The following FRMPD4 variants were observed in gnomAD, a reference collection of about 807,000 sequenced individuals.
The protein encoded by FRMPD4 is FERM and PDZ domain-containing protein 4.
A neutral mutation model predicts 94.1 loss-of-function variants in FRMPD4; 22 were observed. That is an observed-to-expected ratio of 0.23 (90% CI 0.17 to 0.33). The LOEUF (loss-of-function observed/expected upper bound fraction) is 0.33. FRMPD4 is among the 10% of genes least tolerant of loss of function. The pLI is 1.00. For missense variants in FRMPD4, 1,111 were observed against 1,339.9 expected (o/e 0.83, Z 2.67); for synonymous variants, 631 against 548.6 (o/e 1.15, Z -2.10).
intron 4 of FRMPD4, among the ~76,000 whole-genome samples, chrX:12,621,954 GAGAA>G (rs1305358935): frequency 1.2e-4 from 10 of 86,793 alleles, no homozygotes; most frequent in African/African-American, 4.1e-4. Flanking sequence ...GAGAGAGAGA[GAGAA>G]AGAAAGAAAG....
chrX:12,331,042 C>T (rs929427154), intron 1 of FRMPD4, among the ~76,000 whole-genome samples: 4 of 111,637 alleles, frequency 3.6e-5, no homozygotes, highest in Admixed American at 1.9e-4. Flanking sequence ...TTGGTTATAG[C>T]ACCACAGCAG....
chrX:12,023,469 C>T (rs143976476), intron 3 of FRMPD4, among the ~76,000 whole-genome samples: 2,315 of 111,543 alleles, frequency 0.021, 55 homozygotes, highest in African/African-American at 0.072. Flanking sequence ...CAACCCTTCC[C>T]CATAGTGCCC....
chrX:12,541,002 C>T (rs1310090279), intron 2 of FRMPD4, among the ~76,000 whole-genome samples: 1 of 111,520 alleles, frequency 9.0e-6, no homozygotes, highest in Admixed American at 9.6e-5. Context: ...GGATACATAA[C>T]AAAATGAAGG....
intron 1 of FRMPD4, among the ~76,000 whole-genome samples, chrX:12,231,345 C>A (rs1402681215): frequency 9.2e-6 from 1 of 108,162 alleles, no homozygotes; most frequent in African/African-American, 3.4e-5. Context: ...GTGTCAGCCT[C>A]CTCATTGTAA....
chrX:12,420,169 A>G (rs1355090724), intron 1 of FRMPD4, among the ~76,000 whole-genome samples: 1 of 111,632 alleles, frequency 9.0e-6, no homozygotes, highest in Non-Finnish European at 1.9e-5. Flanking sequence ...TGCCCATACC[A>G]GAAGTTTGGA....
chrX:12,540,777 C>T (rs1286768745), intron 2 of FRMPD4, among the ~76,000 whole-genome samples: 1 of 112,057 alleles, frequency 8.9e-6, no homozygotes, highest in African/African-American at 3.2e-5. Context: ...CCCAAATCAA[C>T]AGAATATACG....
At chrX:12,153,695 C>T (rs755105637) in intron 1 of FRMPD4, among the ~76,000 whole-genome samples, 66 of 112,573 alleles carry the variant, frequency 5.9e-4, no homozygotes, top group Admixed American at 4.7e-3. Flanking sequence ...TAACACTATA[C>T]TGGACATAAT....
intron 3 of FRMPD4, among the ~76,000 whole-genome samples, chrX:11,925,153 AC>A (rs1181661111): frequency 1.9e-5 from 2 of 107,880 alleles, no homozygotes; most frequent in African/African-American, 6.8e-5. Context: ...AAAAAAAAAA[AC>A]ATGAAGAAGG....
intron 1 of FRMPD4, among the ~76,000 whole-genome samples, chrX:11,845,964 T>C (rs2053574001): frequency 9.5e-6 from 1 of 105,399 alleles, no homozygotes; most frequent in Non-Finnish European, 2.0e-5. Flanking sequence ...CTATGAAAAC[T>C]GGCACAAGAC....
intron 1 of FRMPD4, among the ~76,000 whole-genome samples, chrX:12,165,477 G>T (rs1385019099): frequency 3.6e-5 from 4 of 111,723 alleles, no homozygotes; most frequent in African/African-American, 1.3e-4. Context: ...TTGAAGTCAG[G>T]TAGTGTGATG....
intron 1 of FRMPD4, among the ~76,000 whole-genome samples, chrX:12,473,465 T>C (rs1244290533): frequency 9.1e-6 from 1 of 109,751 alleles, no homozygotes; most frequent in Admixed American, 9.6e-5. Context: ...CACATAACAA[T>C]ATTAACCTTA....
chrX:12,351,947 G>C (rs1045616917), intron 1 of FRMPD4, among the ~76,000 whole-genome samples: 1 of 112,321 alleles, frequency 8.9e-6, no homozygotes, highest in East Asian at 2.8e-4. Flanking sequence ...TACAAATTGT[G>C]CTGACGTGAA....
intron 1 of FRMPD4, among the ~76,000 whole-genome samples, chrX:12,297,884 A>C (rs968596149): frequency 1.8e-5 from 2 of 111,666 alleles, no homozygotes; most frequent in South Asian, 7.6e-4. Flanking sequence ...CCCTCCATGA[A>C]TGATTTCTGG....
intron 4 of FRMPD4, among the ~76,000 whole-genome samples, chrX:12,636,163 T>C (rs1988101985): frequency 8.9e-6 from 1 of 112,569 alleles, no homozygotes; most frequent in Admixed American, 9.4e-5. Context: ...TTTCTCATTA[T>C]AGCATATTTG....
chrX:12,685,559 T>TTTTTTGTTTTTGTTTTTG (rs10687187), intron 6 of FRMPD4, among the ~76,000 whole-genome samples: 2 of 104,392 alleles, frequency 1.9e-5, no homozygotes, highest in African/African-American at 7.1e-5. Flanking sequence ...TGGAGTTTTG[T>TTTTTTGTTTTTGTTTTTG]TTTTTGTTTT....
At chrX:12,362,892 G>A (rs766895417) in intron 1 of FRMPD4, among the ~76,000 whole-genome samples, 39 of 111,586 alleles carry the variant, frequency 3.5e-4, no homozygotes, top group Non-Finnish European at 5.5e-4. Flanking sequence ...TTGAATGATC[G>A]CCATTCTAAC....
At chrX:12,425,736 A>T (rs2056938161) in intron 1 of FRMPD4, among the ~76,000 whole-genome samples, 1 of 111,804 alleles carries the variant, frequency 8.9e-6, no homozygotes, top group Non-Finnish European at 1.9e-5. Flanking sequence ...CCAGTCCTAA[A>T]TTTCTAGAGT....
intron 3 of FRMPD4, among the ~76,000 whole-genome samples, chrX:12,034,654 G>A (rs190238509): frequency 3.6e-5 from 4 of 111,742 alleles, no homozygotes; most frequent in South Asian, 3.8e-4. Flanking sequence ...CAGTCTTTTC[G>A]GTTTTTTTTA....
intron 3 of FRMPD4, among the ~76,000 whole-genome samples, chrX:11,953,949 A>C (rs1267292643): frequency 8.9e-6 from 1 of 112,367 alleles, no homozygotes; most frequent in Non-Finnish European, 1.9e-5. Context: ...GGTTAAGAAG[A>C]GTGGTTCTGT....
Sources: gnomAD v4.1 joint callset for allele counts (sites outside exome capture counted in the v4.1 genomes callset) on GRCh38, gnomAD v4.1.1 for gene constraint, MANE v1.5 for transcripts, NCBI Gene and HGNC (gene_info 2026-07-23, HGNC 2026-07-21) for gene names.